Variants in PNPLA8 observed in about 807,000 individuals in gnomAD.
PNPLA8 encodes the protein patatin like domain 8, phospholipase A2.
Under a neutral mutation model 76.9 loss-of-function variants are expected in PNPLA8, and 39 were observed. That is an observed-to-expected ratio of 0.51 (90% confidence interval 0.39 to 0.66). The LOEUF (loss-of-function observed/expected upper bound fraction) is 0.66. Ranked by LOEUF, PNPLA8 falls within the 30% of genes least tolerant of loss-of-function variation. The probability of loss-of-function intolerance (pLI) is 0.00; values close to 1 mark genes in which losing one functional copy is unlikely to be tolerated. For synonymous variants in PNPLA8, 301 were observed against 307.9 expected, an observed-to-expected ratio of 0.98 and a Z score of 0.24; for missense variants, 887 against 918.0, an observed-to-expected ratio of 0.97 and a Z score of 0.44.
intron 5 of PNPLA8, among the ~76,000 whole-genome samples, chr7:108,501,526 T>A (rs1322916154): frequency 6.6e-6 from 1 of 152,120 alleles, no homozygotes; most frequent in Admixed American, 6.6e-5. Context: ...AAGATAAGTG[T>A]AATAAAAGAA....
chr7:108,506,039 A>G (rs192787666), intron 4 of PNPLA8, among the ~76,000 whole-genome samples: 2 of 152,340 alleles, frequency 1.3e-5, no homozygotes, highest in Admixed American at 6.5e-5. Flanking sequence ...AATTAAAACC[A>G]TAATTTAGTA....
chr7:108,498,548 C>T (rs1365279846), intron 5 of PNPLA8, among the ~76,000 whole-genome samples: 1 of 151,802 alleles, frequency 6.6e-6, no homozygotes, highest in Non-Finnish European at 1.5e-5. Flanking sequence ...GCTAAGATTA[C>T]AGGTGTGAGC....
At chr7:108,506,403 T>C (rs1264317662) in intron 4 of PNPLA8, among the ~76,000 whole-genome samples, 2 of 151,712 alleles carry the variant, frequency 1.3e-5, no homozygotes, top group Admixed American at 6.6e-5. Context: ...AAATAAAGTG[T>C]TGGAGAGAAA....
intron 4 of PNPLA8, among the ~76,000 whole-genome samples, chr7:108,505,390 G>C (rs1220777407): frequency 9.8e-6 from 1 of 102,344 alleles, no homozygotes. Context: ...TTGAGACGGA[G>C]TCTCACTCTG....
At chr7:108,526,487 T>C (rs548798457), upstream of PNPLA8, among the ~76,000 whole-genome samples, 1 of 152,228 alleles carries the variant, frequency 6.6e-6, no homozygotes, top group South Asian at 2.1e-4. Context: ...AGCAGTGTCC[T>C]GGTTTGCTTG....
chr7:108,500,143 C>T (rs1035533980), intron 5 of PNPLA8, among the ~76,000 whole-genome samples: 25 of 152,202 alleles, frequency 1.6e-4, no homozygotes, highest in Non-Finnish European at 3.4e-4. Flanking sequence ...GTGCTTACAA[C>T]ATAGTAGGCC....
intron 9 of PNPLA8, among the ~76,000 whole-genome samples, chr7:108,484,134 C>A (rs905812341): frequency 2.0e-5 from 3 of 152,126 alleles, no homozygotes; most frequent in Non-Finnish European, 2.9e-5. Context: ...AATCCCAAAT[C>A]AAAAAACTGG....
At chr7:108,484,238 G>C (rs762680739) in intron 9 of PNPLA8, among the ~76,000 whole-genome samples, 23 of 152,242 alleles carry the variant, frequency 1.5e-4, no homozygotes, top group Non-Finnish European at 2.5e-4. Context: ...AGCAGTTAAG[G>C]TTTCTGGGCT....
At chr7:108,505,328 A>T (rs1192953927) in intron 4 of PNPLA8, among the ~76,000 whole-genome samples, 3 of 5,478 alleles carry the variant, frequency 5.5e-4, no homozygotes, top group Non-Finnish European at 6.1e-4. Context: ...ATATATATAT[A>T]TATATATATA....
chr7:108,502,469 A>AAAAAAATTT, intron 5 of PNPLA8, 22 bp downstream of exon 5: 2 of 1,387,596 alleles, frequency 1.4e-6, no homozygotes, highest in Non-Finnish European at 9.6e-7. Flanking sequence ...AAAAAAAAAA[A>AAAAAAATTT]GAATCATGTT....
In PNPLA8 at chr7:108,514,932, C is replaced by A. The variant is rs780391824; in HGVS notation, c.560G>T (p.Arg187Leu). 6.2e-7 allele frequency: 1 copy of A among 1,608,912 alleles called. No individual in the cohort carries two copies. Among genetic ancestry groups the A allele is most frequent in the East Asian group, 2.2e-5 (1 of 44,862 alleles). ...IIDKEEDIGKRSLFHYTSSIT... is the reference protein window; with the variant it reads ...IIDKEEDIGKLSLFHYTSSIT... ...AGAACTTGTGTAATGAAAAAGACTG[C>A]GTTTACCTATATCTTCTTCTTTGTC... The change falls in exon 3 of 11, where the codon CGC (arginine) becomes CTC (leucine). Residue 187 changes from arginine to leucine, a missense_variant. Coordinates refer to ENST00000257694, the MANE Select transcript of PNPLA8 (RefSeq NM_001256007.3).
At chr7:108,511,108 C>T (rs144597652) in intron 4 of PNPLA8, 2 of 634,888 alleles carry the variant, frequency 3.2e-6, no homozygotes, top group African/African-American at 1.9e-5. Flanking sequence ...TCTTTCCTTT[C>T]CTGTAAAATT....
intron 8 of PNPLA8, among the ~76,000 whole-genome samples, chr7:108,489,301 C>T (rs758241053): frequency 1.3e-5 from 2 of 152,204 alleles, no homozygotes; most frequent in African/African-American, 4.8e-5. Context: ...TCTAATCGGC[C>T]TACTGCTCCA....
At chr7:108,500,053 T>C (rs1184120584) in intron 5 of PNPLA8, among the ~76,000 whole-genome samples, 1 of 152,246 alleles carries the variant, frequency 6.6e-6, no homozygotes, top group African/African-American at 2.4e-5. Flanking sequence ...ATTTTTGTTT[T>C]TCTATTTGTT....
At chr7:108,475,302 T>G (rs1371178991) in intron 10 of PNPLA8, among the ~76,000 whole-genome samples, 2 of 152,148 alleles carry the variant, frequency 1.3e-5, no homozygotes, top group Non-Finnish European at 2.9e-5. Context: ...GTGCTTGAAT[T>G]ATCCCAAAAC....
chr7:108,476,764 G>A (rs771162912), intron 10 of PNPLA8, among the ~76,000 whole-genome samples: 7 of 152,070 alleles, frequency 4.6e-5, no homozygotes, highest in Non-Finnish European at 1.0e-4. Flanking sequence ...ATGGATAAAG[G>A]AATTACAGTA....
At chr7:108,491,792 G>A (rs926055056) in intron 7 of PNPLA8, among the ~76,000 whole-genome samples, 2 of 152,170 alleles carry the variant, frequency 1.3e-5, no homozygotes, top group South Asian at 4.1e-4. Flanking sequence ...TTTAAAGCTA[G>A]GACATATACA....
chr7:108,474,021 G>GT (rs1859805954), intron 10 of PNPLA8, among the ~76,000 whole-genome samples: 1 of 152,006 alleles, frequency 6.6e-6, no homozygotes, highest in African/African-American at 2.4e-5. Flanking sequence ...ACATACATAT[G>GT]TTATATGAGA....
chr7:108,507,467 A>T (rs1286503866), intron 4 of PNPLA8, among the ~76,000 whole-genome samples: 1 of 151,982 alleles, frequency 6.6e-6, no homozygotes, highest in Non-Finnish European at 1.5e-5. Context: ...CAACCTGAGC[A>T]ACATGGTGAG....
Sources: allele counts gnomAD v4.1 joint callset (sites outside exome capture counted in the v4.1 genomes callset), GRCh38; gene constraint gnomAD v4.1.1; transcripts MANE v1.5; gene names NCBI Gene and HGNC (gene_info 2026-07-23, HGNC 2026-07-21).